The following SORCS2 variants were observed in gnomAD, a reference collection of about 807,000 sequenced individuals.
SORCS2 encodes the protein VPS10 domain-containing receptor SorCS2.
Under a neutral mutation model 141.6 loss-of-function variants are expected in SORCS2, and 100 were observed. The ratio of observed to expected loss-of-function variants is 0.71; its 90% CI spans 0.60 to 0.83. SORCS2 has a LOEUF of 0.83. Ranked by LOEUF, SORCS2 falls within the 40% of genes least tolerant of loss-of-function variation. SORCS2 has a pLI of 0.00. For missense variants in SORCS2, 1,646 were observed against 1,560.2 expected (o/e 1.05, Z -0.93); for synonymous variants, 789 against 676.9 (o/e 1.17, Z -2.57).
intron 2 of SORCS2, among the ~76,000 whole-genome samples, chr4:7,511,360 A>AGAGAGT (rs1219767312): frequency 9.1e-6 from 1 of 110,198 alleles, no homozygotes; most frequent in Non-Finnish European, 2.1e-5. Flanking sequence ...AGAGAGAGAG[A>AGAGAGT]GAGAGTGAGA....
intron 3 of SORCS2, among the ~76,000 whole-genome samples, chr4:7,579,653 C>T (rs1387386718): frequency 6.6e-6 from 1 of 152,202 alleles, no homozygotes; most frequent in East Asian, 1.9e-4. Flanking sequence ...TCTTCTTTAT[C>T]ACTGACACTG....
intron 2 of SORCS2, among the ~76,000 whole-genome samples, chr4:7,528,116 CG>C (rs539534748): frequency 1.5e-4 from 22 of 150,368 alleles, no homozygotes; most frequent in Non-Finnish European, 2.5e-4. Flanking sequence ...ACAGTGTCCA[CG>C]CTGCCCATGG....
At chr4:7,354,247 C>G (rs941167503) in intron 1 of SORCS2, among the ~76,000 whole-genome samples, 1 of 152,174 alleles carries the variant, frequency 6.6e-6, no homozygotes, top group African/African-American at 2.4e-5. Flanking sequence ...AGTAGGAGGA[C>G]AGGACACACT....
intron 1 of SORCS2, among the ~76,000 whole-genome samples, chr4:7,327,221 A>G (rs1361157250): frequency 6.6e-6 from 1 of 152,150 alleles, no homozygotes; most frequent in Non-Finnish European, 1.5e-5. Flanking sequence ...TCTATAATCA[A>G]GGGAGTTATT....
rs187930056 is a variant in SORCS2 at position 7,721,285 on chromosome 4, C to T, written c.2425-2412C>T. On this transcript the variant is annotated intron_variant, in intron 18 of 26. Coordinates refer to ENST00000507866, the MANE Select transcript of SORCS2 (RefSeq NM_020777.3). ...TTCGAGACCAGCCTGGCCAACATGA[C>T]GAAACCCTGTCTCTGCTAAAAAAAA... 2.5e-3 allele frequency among the ~76,000 whole-genome samples: 373 copies of T among 152,172 alleles called. 1 individual carries two copies. Among genetic ancestry groups the T allele is most frequent in the Non-Finnish European group, 4.6e-3 (314 of 68,010 alleles).
At chr4:7,315,367 A>T (rs1718489212) in intron 1 of SORCS2, among the ~76,000 whole-genome samples, 1 of 152,168 alleles carries the variant, frequency 6.6e-6, no homozygotes, top group Admixed American at 6.5e-5. Flanking sequence ...GCTCATTCTC[A>T]TTTCCATTCT....
intron 1 of SORCS2, among the ~76,000 whole-genome samples, chr4:7,378,731 G>T (rs1314117808): frequency 1.3e-5 from 2 of 152,202 alleles, no homozygotes; most frequent in Non-Finnish European, 2.9e-5. Context: ...GCCAGGCTTT[G>T]CATGTGTCAT....
rs150682493 is a variant in SORCS2 at position 7,499,982 on chromosome 4, G to A, written c.549-31548G>A. ...TCCTTGGAATCCTGGTTTCTAGGCC[G>A]CATCAGTCCATTCACTGGGCATTCG... On this transcript the variant is annotated intron_variant, in intron 2 of 26. Transcript: ENST00000507866. Among the ~76,000 whole-genome samples the A allele has an allele frequency of 2.8e-3, 431 of 152,262 alleles. 6 individuals are homozygous for A. The highest frequency in any genetic ancestry group is 9.1e-3 in the African/African-American group (380 of 41,546).
chr4:7,435,938 G>A (rs1031233047), intron 2 of SORCS2, among the ~76,000 whole-genome samples: 43 of 152,226 alleles, frequency 2.8e-4, no homozygotes, highest in African/African-American at 9.4e-4. Flanking sequence ...AGCTTCCTGG[G>A]CTTGGGTGCT....
At chr4:7,476,858 C>T (rs969090193) in intron 2 of SORCS2, among the ~76,000 whole-genome samples, 8 of 152,214 alleles carry the variant, frequency 5.3e-5, no homozygotes, top group Admixed American at 2.0e-4. Context: ...GTGTCTCTTA[C>T]TAGAAGGGGC....
intron 14 of SORCS2, among the ~76,000 whole-genome samples, chr4:7,706,028 T>TCTGGGCAGGGATGAGGCTGGGCTCCGC (rs1351144066): frequency 8.9e-6 from 1 of 112,412 alleles, no homozygotes; most frequent in South Asian, 2.7e-4. Context: ...CTGGGCTCTG[T>TCTGGGCAGGGATGAGGCTGGGCTCCGC]CTGGGCAGGG....
intron 1 of SORCS2, among the ~76,000 whole-genome samples, chr4:7,302,802 T>TGTGTGC (rs1717528956): frequency 6.7e-6 from 1 of 149,452 alleles, no homozygotes; most frequent in Non-Finnish European, 1.5e-5. Context: ...CGCGCGTGTG[T>TGTGTGC]GTGTGTTTGT....
chr4:7,605,373 C>T (rs1717994856), intron 3 of SORCS2, among the ~76,000 whole-genome samples: 1 of 152,152 alleles, frequency 6.6e-6, no homozygotes, highest in Non-Finnish European at 1.5e-5. Flanking sequence ...CTCTATTCCA[C>T]ATGGCTGTAT....
At chr4:7,329,407 A>C (rs183197347) in intron 1 of SORCS2, among the ~76,000 whole-genome samples, 1 of 152,278 alleles carries the variant, frequency 6.6e-6, no homozygotes, top group African/African-American at 2.4e-5. Flanking sequence ...CGGGCCAGCC[A>C]CCCTGAGCCA....
intron 2 of SORCS2, among the ~76,000 whole-genome samples, chr4:7,421,950 G>A (rs886547167): frequency 8.0e-5 from 12 of 150,308 alleles, no homozygotes; most frequent in African/African-American, 2.7e-4. Flanking sequence ...CCCCATGGTC[G>A]ACCTTGAGAT....
intron 3 of SORCS2, among the ~76,000 whole-genome samples, chr4:7,612,883 T>G (rs1718505164): frequency 2.5e-5 from 2 of 78,816 alleles, no homozygotes; most frequent in Admixed American, 1.3e-4. Flanking sequence ...GGACAGGTAG[T>G]GGGAGGAGAT....
At chr4:7,586,985 C>T (rs73090816) in intron 3 of SORCS2, among the ~76,000 whole-genome samples, 3,010 of 151,936 alleles carry the variant, frequency 0.02, 98 homozygotes, top group African/African-American at 0.068. Flanking sequence ...AGAGTACATG[C>T]AGGAGAGTGA....
intron 3 of SORCS2, among the ~76,000 whole-genome samples, chr4:7,561,015 G>A (rs973132626): frequency 2.4e-4 from 36 of 152,114 alleles, no homozygotes; most frequent in African/African-American, 8.0e-4. Context: ...GTATGGGGGT[G>A]GCAGTTGGGG....
intron 1 of SORCS2, among the ~76,000 whole-genome samples, chr4:7,249,643 G>A (rs1466528091): frequency 6.6e-6 from 1 of 152,152 alleles, no homozygotes; most frequent in Non-Finnish European, 1.5e-5. Context: ...CCTGGTAGAT[G>A]GGACTATCAC....
Sources: allele counts gnomAD v4.1 joint callset (sites outside exome capture counted in the v4.1 genomes callset), GRCh38; gene constraint gnomAD v4.1.1; transcripts MANE v1.5; gene names NCBI Gene and HGNC (gene_info 2026-07-23, HGNC 2026-07-21).